Variants in CDH18 observed in about 807,000 individuals in gnomAD.
CDH18 encodes cadherin-18.
Under a neutral mutation model 67.9 loss-of-function variants are expected in CDH18, and 31 were observed. The ratio of observed to expected loss-of-function variants is 0.46; its 90% confidence interval spans 0.34 to 0.62. CDH18 has a LOEUF of 0.62. CDH18 is among the 20% of genes least tolerant of loss of function. The pLI, the probability that CDH18 is intolerant of heterozygous loss-of-function variation, is 0.01. For missense variants in CDH18, 890 were observed against 975.5 expected, an observed-to-expected ratio of 0.91 and a Z score of 1.17; for synonymous variants, 362 against 347.2, an observed-to-expected ratio of 1.04 and a Z score of -0.48.
intron 7 of CDH18, among the ~76,000 whole-genome samples, chr5:19,590,026 T>G (rs1744832983): frequency 6.6e-6 from 1 of 152,140 alleles, no homozygotes; most frequent in Non-Finnish European, 1.5e-5. Context: ...GATATTTGAT[T>G]AATGTCTGTC....
At chr5:19,487,863 T>C (rs1487546841) in intron 11 of CDH18, among the ~76,000 whole-genome samples, 1 of 152,136 alleles carries the variant, frequency 6.6e-6, no homozygotes, top group Admixed American at 6.5e-5. Flanking sequence ...GCAATCATAA[T>C]AATAAATATA....
intron 2 of CDH18, among the ~76,000 whole-genome samples, chr5:20,181,124 T>TCTAGAAG (rs779388853): frequency 5.9e-5 from 9 of 152,148 alleles, no homozygotes; most frequent in Non-Finnish European, 4.4e-5. Flanking sequence ...AGAGAGTTTC[T>TCTAGAAG]CCAACCAATG....
At chr5:20,224,024 T>C (rs1162278306) in intron 2 of CDH18, among the ~76,000 whole-genome samples, 2 of 152,234 alleles carry the variant, frequency 1.3e-5, no homozygotes, top group East Asian at 3.8e-4. Context: ...CTTCTCTTTT[T>C]ATATTAAGTC....
At chr5:20,556,303 A>T (rs751383433) in intron 1 of CDH18, among the ~76,000 whole-genome samples, 2 of 152,158 alleles carry the variant, frequency 1.3e-5, no homozygotes, top group Non-Finnish European at 2.9e-5. Flanking sequence ...TCCATTTACA[A>T]AGACATTCTC....
At chr5:20,007,664 G>C (rs4866164) in intron 2 of CDH18, among the ~76,000 whole-genome samples, 1 of 150,184 alleles carries the variant, frequency 6.7e-6, no homozygotes, top group Non-Finnish European at 1.5e-5. Context: ...GAAGTGCAGT[G>C]TGTGGAAAGT....
chr5:19,791,398 C>G (rs1436019019), intron 3 of CDH18, among the ~76,000 whole-genome samples: 2 of 150,168 alleles, frequency 1.3e-5, no homozygotes, highest in African/African-American at 4.9e-5. Context: ...CACATCTGTT[C>G]AGCACATATT....
intron 5 of CDH18, among the ~76,000 whole-genome samples, chr5:19,631,402 G>T (rs1752394189): frequency 6.6e-6 from 1 of 152,104 alleles, no homozygotes; most frequent in Non-Finnish European, 1.5e-5. Flanking sequence ...CTTTGATCAT[G>T]TATTAAACTG....
At chr5:19,494,292 T>C (rs1741941101) in intron 11 of CDH18, among the ~76,000 whole-genome samples, 2 of 152,224 alleles carry the variant, frequency 1.3e-5, no homozygotes. Flanking sequence ...ATGTGTGTTT[T>C]CAAATTCTTT....
At chr5:20,344,124 C>A (rs556500070) in intron 1 of CDH18, among the ~76,000 whole-genome samples, 1 of 152,278 alleles carries the variant, frequency 6.6e-6, no homozygotes, top group South Asian at 2.1e-4. Flanking sequence ...TGGCAAACTT[C>A]CTTTGCCTGC....
chr5:20,012,192 C>T (rs1737500537), intron 2 of CDH18, among the ~76,000 whole-genome samples: 1 of 151,354 alleles, frequency 6.6e-6, no homozygotes, highest in Non-Finnish European at 1.5e-5. Context: ...GGAATTTATT[C>T]ATTTCTTCTA....
chr5:19,513,729 C>T (rs1745479063), intron 10 of CDH18, among the ~76,000 whole-genome samples: 1 of 151,958 alleles, frequency 6.6e-6, no homozygotes, highest in African/African-American at 2.4e-5. Flanking sequence ...GAACTGTTTC[C>T]TAGAAATTTT....
chr5:19,605,450 A>G (rs1035173637), intron 6 of CDH18, among the ~76,000 whole-genome samples: 1 of 152,020 alleles, frequency 6.6e-6, no homozygotes, highest in South Asian at 2.1e-4. Flanking sequence ...TAATTTAATA[A>G]TTTCATCTTT....
chr5:19,686,993 A>C (rs1761186009), intron 5 of CDH18, among the ~76,000 whole-genome samples: 1 of 152,192 alleles, frequency 6.6e-6, no homozygotes, highest in African/African-American at 2.4e-5. Flanking sequence ...TGATCACTTT[A>C]AGTAGAGTAT....
chr5:20,344,741 C>A (rs1290186402), intron 1 of CDH18, among the ~76,000 whole-genome samples: 1 of 152,100 alleles, frequency 6.6e-6, no homozygotes, highest in Non-Finnish European at 1.5e-5. Context: ...GGGTGAGAAA[C>A]ACCCCTTCAA....
intron 3 of CDH18, among the ~76,000 whole-genome samples, chr5:19,753,943 C>T (rs916929760): frequency 2.6e-5 from 4 of 152,144 alleles, no homozygotes; most frequent in African/African-American, 9.7e-5. Context: ...GAATTTGTCA[C>T]TACCAAGCCA....
chr5:19,586,568 G>A (rs1476409743), intron 7 of CDH18, among the ~76,000 whole-genome samples: 7 of 152,048 alleles, frequency 4.6e-5, no homozygotes, highest in Admixed American at 3.9e-4. Flanking sequence ...ATAGTATTGC[G>A]TGGTGTATAT....
chr5:19,811,225 A>G (rs1208683886), intron 3 of CDH18, among the ~76,000 whole-genome samples: 1 of 152,066 alleles, frequency 6.6e-6, no homozygotes, highest in Non-Finnish European at 1.5e-5. Flanking sequence ...GAAAGAAAAG[A>G]AAGAGATAAA....
chr5:19,525,448 AG>A (rs1361949541), intron 9 of CDH18, among the ~76,000 whole-genome samples: 1 of 152,236 alleles, frequency 6.6e-6, no homozygotes, highest in East Asian at 1.9e-4. Context: ...AGTGTCCTGT[AG>A]GAAACAGAAT....
chr5:20,252,712 C>A (rs547371403), intron 2 of CDH18, among the ~76,000 whole-genome samples: 1 of 151,748 alleles, frequency 6.6e-6, no homozygotes, highest in African/African-American at 2.4e-5. Flanking sequence ...CAGAGGCGGG[C>A]GGATCACGAG....
Sources: gnomAD v4.1 joint callset for allele counts (sites outside exome capture counted in the v4.1 genomes callset) on GRCh38, gnomAD v4.1.1 for gene constraint, MANE v1.5 for transcripts, NCBI Gene and HGNC (gene_info 2026-07-23, HGNC 2026-07-21) for gene names.